ANO1: variants seen among roughly 807,000 people sequenced by gnomAD.
ANO1 encodes anoctamin-1.
In ANO1, 59 loss-of-function variants were observed where a neutral mutation model predicts 124.0. The observed-to-expected ratio is 0.48, with a 90% CI of 0.39 to 0.59. ANO1 has a LOEUF of 0.59. ANO1 is among the 20% of genes least tolerant of loss of function. The pLI, the probability that ANO1 is intolerant of heterozygous loss-of-function variation, is 0.00. For missense variants in ANO1, 1,059 were observed against 1,328.0 expected, an observed-to-expected ratio of 0.80 and a Z score of 3.15; for synonymous variants, 529 against 532.0, an observed-to-expected ratio of 0.99 and a Z score of 0.08.
At chr11:70,006,733 G>A (rs188735180) in intron 1 of ANO1, among the ~76,000 whole-genome samples, 2,137 of 119,156 alleles carry the variant, frequency 0.018, 104 homozygotes, top group Admixed American at 0.14. Flanking sequence ...GCAGTGTTGC[G>A]ATCTTGGCTC....
At chr11:70,131,145 A>G (rs2046740965) in intron 10 of ANO1, among the ~76,000 whole-genome samples, 3 of 152,320 alleles carry the variant, frequency 2.0e-5, no homozygotes, top group Admixed American at 1.3e-4. Flanking sequence ...GCTCAAGGAT[A>G]GGCTGCAGAG....
intron 1 of ANO1, among the ~76,000 whole-genome samples, chr11:70,020,731 T>C (rs1555002550): frequency 6.6e-6 from 1 of 152,136 alleles, no homozygotes; most frequent in Non-Finnish European, 1.5e-5. Flanking sequence ...GAGTGCTGGG[T>C]GTGGGTGCCA....
chr11:70,002,152 A>T (rs1166726889), intron 1 of ANO1, among the ~76,000 whole-genome samples: 1 of 152,146 alleles, frequency 6.6e-6, no homozygotes, highest in Non-Finnish European at 1.5e-5. Context: ...CTATGTGTAG[A>T]TATAAAAATA....
chr11:69,966,968 GA>G, the ANO1 span, among the ~76,000 whole-genome samples: 1 of 152,122 alleles, frequency 6.6e-6, no homozygotes, highest in Non-Finnish European at 1.5e-5. Flanking sequence ...CCTGCAGGGG[GA>G]CAATTCTTCA....
At chr11:70,075,717 TG>T (rs1419903453), upstream of ANO1, among the ~76,000 whole-genome samples, 6 of 152,090 alleles carry the variant, frequency 3.9e-5, no homozygotes, top group African/African-American at 1.4e-4. Context: ...AAAAGAAAAC[TG>T]GGTGCAACAG....
intron 11 of ANO1, among the ~76,000 whole-genome samples, chr11:70,134,130 G>A (rs941050000): frequency 1.3e-5 from 2 of 152,294 alleles, no homozygotes; most frequent in Middle Eastern, 3.4e-3. Flanking sequence ...CCTCAGCCCC[G>A]AGGCACCTCG....
chr11:70,078,008 C>T (rs889335862), upstream of ANO1, among the ~76,000 whole-genome samples: 2 of 121,876 alleles, frequency 1.6e-5, no homozygotes, highest in Non-Finnish European at 3.5e-5. Flanking sequence ...GAGATCCAGA[C>T]TCCAATCTCA....
At chr11:70,013,507 T>C (rs1856638834) in intron 1 of ANO1, among the ~76,000 whole-genome samples, 1 of 152,082 alleles carries the variant, frequency 6.6e-6, no homozygotes, top group Non-Finnish European at 1.5e-5. Context: ...GCGTGGTGAC[T>C]TACACTTGTA....
At chr11:70,119,479 A>AT in intron 8 of ANO1, among the ~76,000 whole-genome samples, 1 of 149,784 alleles carries the variant, frequency 6.7e-6, no homozygotes, top group Non-Finnish European at 1.5e-5. Flanking sequence ...AGAATGAATG[A>AT]TGGATGCTGG....
intron 7 of ANO1, among the ~76,000 whole-genome samples, chr11:70,115,854 C>G (rs891075738): frequency 1.3e-5 from 2 of 152,150 alleles, no homozygotes; most frequent in African/African-American, 4.8e-5. Context: ...GCTTTCAACC[C>G]TTAGACCCTT....
At chr11:70,012,836 G>T (rs183205104) in intron 1 of ANO1, among the ~76,000 whole-genome samples, 1 of 151,700 alleles carries the variant, frequency 6.6e-6, no homozygotes, top group Non-Finnish European at 1.5e-5. Context: ...TCATCCACAC[G>T]TCCATCCATT....
intron 6 of ANO1, chr11:70,111,094 T>C: frequency 2.2e-6 from 1 of 456,258 alleles, no homozygotes; most frequent in Non-Finnish European, 4.4e-6. Flanking sequence ...TGTCAGGCCC[T>C]TCCACCTCAC....
chr11:70,155,724 A>AGGTC (rs1217448427), intron 14 of ANO1, among the ~76,000 whole-genome samples, 187 bp from the exon 15 acceptor site: 1 of 152,216 alleles, frequency 6.6e-6, no homozygotes, highest in Non-Finnish European at 1.5e-5. Context: ...TTCCGAACGT[A>AGGTC]GGTCTCTGCC....
At chr11:70,143,686 A>C (rs1377449255) in intron 11 of ANO1, among the ~76,000 whole-genome samples, 1 of 152,154 alleles carries the variant, frequency 6.6e-6, no homozygotes, top group Non-Finnish European at 1.5e-5. Flanking sequence ...CCCGGATGAA[A>C]TGGACAGATT....
intron 1 of ANO1, among the ~76,000 whole-genome samples, chr11:70,008,045 C>T: frequency 6.6e-6 from 1 of 152,104 alleles, no homozygotes; most frequent in East Asian, 1.9e-4. Context: ...GCTTCTTGAC[C>T]ATTTGTGTTT....
the ANO1 span, among the ~76,000 whole-genome samples, chr11:69,978,106 G>A: frequency 3.3e-5 from 5 of 152,148 alleles, no homozygotes; most frequent in African/African-American, 4.8e-5. Flanking sequence ...ACCAGAGGCC[G>A]GGACCCTGGG....
chr11:70,072,102 C>A (rs1555009381), intron 1 of ANO1, among the ~76,000 whole-genome samples: 1 of 152,188 alleles, frequency 6.6e-6, no homozygotes, highest in East Asian at 1.9e-4. Flanking sequence ...AGAAACGTTG[C>A]ATCAGGAGGA....
chr11:70,089,750 A>G (rs1425771758), intron 2 of ANO1, among the ~76,000 whole-genome samples: 2 of 152,198 alleles, frequency 1.3e-5, no homozygotes, highest in Admixed American at 6.5e-5. Flanking sequence ...TGTCTTAGAC[A>G]CTTGGAACAG....
upstream of ANO1, among the ~76,000 whole-genome samples, chr11:70,074,305 G>A (rs918830181): frequency 5.9e-5 from 9 of 152,252 alleles, no homozygotes; most frequent in South Asian, 2.1e-4. Context: ...TGGGCCAACC[G>A]AGGGGCAGGG....
Sources: gnomAD v4.1 joint callset for allele counts (sites outside exome capture counted in the v4.1 genomes callset) on GRCh38, gnomAD v4.1.1 for gene constraint, MANE v1.5 for transcripts, NCBI Gene and HGNC (gene_info 2026-07-23, HGNC 2026-07-21) for gene names.